PHF21A: variants seen among roughly 807,000 people sequenced by gnomAD.
PHF21A encodes PHD finger protein 21A.
Under a neutral mutation model 82.5 loss-of-function variants are expected in PHF21A, and 11 were observed. That is an observed-to-expected ratio of 0.13 (90% CI 0.08 to 0.22). The LOEUF (loss-of-function observed/expected upper bound fraction) is 0.22, where lower values mean the gene tolerates loss of function less well. PHF21A is among the 10% of genes least tolerant of loss of function. PHF21A has a pLI of 1.00. For synonymous variants in PHF21A, 297 were observed against 302.8 expected, an observed-to-expected ratio of 0.98 and a Z score of 0.20; for missense variants, 579 against 837.8, an observed-to-expected ratio of 0.69 and a Z score of 3.81.
At chr11:46,007,598 A>G (rs189980772) in intron 6 of PHF21A, among the ~76,000 whole-genome samples, 7 of 152,260 alleles carry the variant, frequency 4.6e-5, no homozygotes, top group Non-Finnish European at 8.8e-5. Flanking sequence ...TACAGGTGTG[A>G]GCCACCGTGC....
intron 6 of PHF21A, among the ~76,000 whole-genome samples, chr11:46,069,080 A>G (rs1336282573): frequency 6.6e-6 from 1 of 152,232 alleles, no homozygotes; most frequent in Non-Finnish European, 1.5e-5. Flanking sequence ...CAGCACTGGG[A>G]ACCACAGTCA....
At chr11:46,058,979 G>A (rs2096496239) in intron 6 of PHF21A, among the ~76,000 whole-genome samples, 1 of 152,188 alleles carries the variant, frequency 6.6e-6, no homozygotes. Flanking sequence ...AGAGACTCCA[G>A]TTCCAGCCCC....
In PHF21A at chr11:46,014,925, A is replaced by G. The variant is rs1591999378; in HGVS notation, c.154-34959T>C. Among the ~76,000 whole-genome samples the G allele has an allele frequency of 2.8e-5, 2 of 72,472 alleles. 1 individual carries two copies. Among genetic ancestry groups the G allele is most frequent in the South Asian group, 8.0e-4 (2 of 2,488 alleles). 47.5% of individuals were successfully genotyped at this position (72,472 alleles called of 152,430 possible). The stretch of plus-strand genomic sequence containing the variant: ...AACCCGGGAGGCGGAGCTTGCAGTG[A>G]GCCGAGATCCCGCCACTGCACTCCA... On this transcript the variant is annotated intron_variant, in intron 6 of 18. Coordinates refer to ENST00000676320, the MANE Select transcript of PHF21A (RefSeq NM_001352027.3).
At chr11:46,049,266 T>C (rs1298023761) in intron 6 of PHF21A, 1 of 331,174 alleles carries the variant, frequency 3.0e-6, no homozygotes, top group East Asian at 8.8e-5. Context: ...AAGTCCTCTA[T>C]CATTTCTCAA....
chr11:46,112,399 CTTA>C (rs2097226109), intron 1 of PHF21A, among the ~76,000 whole-genome samples: 1 of 152,160 alleles, frequency 6.6e-6, no homozygotes, highest in Non-Finnish European at 1.5e-5. Context: ...TTACTGAGCC[CTTA>C]TTATGTGCCA....
chr11:46,085,396 C>G (rs1593008075), intron 3 of PHF21A, among the ~76,000 whole-genome samples: 1 of 152,120 alleles, frequency 6.6e-6, no homozygotes. Flanking sequence ...CCAGCTTGAC[C>G]TTCCTATCTC....
intron 17 of PHF21A, 74 bp from the exon 18 acceptor site, chr11:45,935,813 A>G: frequency 1.3e-6 from 1 of 743,894 alleles, no homozygotes; most frequent in Non-Finnish European, 2.2e-6. Flanking sequence ...TGTGCTCAGA[A>G]TGCCTGCCAA....
intron 6 of PHF21A, among the ~76,000 whole-genome samples, chr11:46,073,615 G>A (rs906470424): frequency 2.0e-5 from 3 of 151,964 alleles, no homozygotes; most frequent in Non-Finnish European, 4.4e-5. Context: ...TTTTGCATAC[G>A]TTTACACGCC....
chr11:46,029,442 C>T (rs1336961507), intron 6 of PHF21A, among the ~76,000 whole-genome samples: 1 of 152,184 alleles, frequency 6.6e-6, no homozygotes, highest in Non-Finnish European at 1.5e-5. Context: ...AATCCTAATA[C>T]ACGGGGAGGC....
chr11:45,972,373 T>C (rs1373354782), intron 7 of PHF21A, among the ~76,000 whole-genome samples: 2 of 152,172 alleles, frequency 1.3e-5, no homozygotes, highest in Non-Finnish European at 2.9e-5. Flanking sequence ...TTCAGGAACA[T>C]GAAAATTTAT....
chr11:46,056,498 A>AGTCC (rs2096459227), intron 6 of PHF21A, among the ~76,000 whole-genome samples: 1 of 152,152 alleles, frequency 6.6e-6, no homozygotes, highest in African/African-American at 2.4e-5. Flanking sequence ...AAAACAAGAA[A>AGTCC]TTGGGCTTTT....
At chr11:45,967,921 T>G (rs541888343) in intron 9 of PHF21A, among the ~76,000 whole-genome samples, 2 of 152,350 alleles carry the variant, frequency 1.3e-5, no homozygotes, top group East Asian at 1.9e-4. Flanking sequence ...TAATAGTTCA[T>G]ATTCTATTCT....
At chr11:46,039,850 T>C (rs2096089075) in intron 6 of PHF21A, among the ~76,000 whole-genome samples, 1 of 152,230 alleles carries the variant, frequency 6.6e-6, no homozygotes, top group East Asian at 1.9e-4. Context: ...AGATTAAAAA[T>C]ATCTGCATGA....
intron 6 of PHF21A, among the ~76,000 whole-genome samples, chr11:46,026,263 G>GT (rs2095743555): frequency 6.6e-6 from 1 of 152,282 alleles, no homozygotes; most frequent in African/African-American, 2.4e-5. Context: ...CCCCAGCTCA[G>GT]TGGCATGGGA....
At chr11:45,967,310 G>A (rs1369843826) in intron 9 of PHF21A, among the ~76,000 whole-genome samples, 2 of 151,464 alleles carry the variant, frequency 1.3e-5, no homozygotes, top group African/African-American at 4.9e-5. Context: ...GGAGGTTGCA[G>A]TGAGCTGAGA....
intron 6 of PHF21A, among the ~76,000 whole-genome samples, chr11:46,063,185 G>C (rs1456087579): frequency 6.6e-6 from 1 of 152,152 alleles, no homozygotes; most frequent in Admixed American, 6.5e-5. Context: ...AATTCGCCGG[G>C]GGGGCTGGCA....
At chr11:46,036,326 G>A (rs953918307) in intron 6 of PHF21A, among the ~76,000 whole-genome samples, 4 of 152,170 alleles carry the variant, frequency 2.6e-5, no homozygotes, top group African/African-American at 7.2e-5. Flanking sequence ...ATGCCAGTAC[G>A]ACACTGAAGT....
intron 6 of PHF21A, among the ~76,000 whole-genome samples, chr11:46,036,945 A>G (rs2096017025): frequency 6.6e-6 from 1 of 152,162 alleles, no homozygotes; most frequent in African/African-American, 2.4e-5. Flanking sequence ...TCCTGGCCTC[A>G]GGCAATCCTC....
intron 6 of PHF21A, among the ~76,000 whole-genome samples, chr11:46,053,619 A>C: frequency 6.6e-6 from 1 of 152,106 alleles, no homozygotes. Context: ...TGTTTCATAC[A>C]GGCTGAACAT....
Sources: allele counts gnomAD v4.1 joint callset (sites outside exome capture counted in the v4.1 genomes callset), GRCh38; gene constraint gnomAD v4.1.1; transcripts MANE v1.5; gene names NCBI Gene and HGNC (gene_info 2026-07-23, HGNC 2026-07-21).